The following DLG2 variants were observed in gnomAD, a reference collection of about 807,000 sequenced individuals.
DLG2 encodes the protein discs large MAGUK scaffold protein 2.
A neutral mutation model predicts 132.5 loss-of-function variants in DLG2; 45 were observed. That is an observed-to-expected ratio of 0.34 (90% confidence interval 0.27 to 0.44). The LOEUF (loss-of-function observed/expected upper bound fraction) is 0.44, where lower values mean the gene tolerates loss of function less well. Ranked by LOEUF, DLG2 falls within the 20% of genes least tolerant of loss-of-function variation. The pLI is 1.00. For missense variants in DLG2, 1,045 were observed against 1,196.9 expected (o/e 0.87, Z 1.87); for synonymous variants, 424 against 419.6 (o/e 1.01, Z -0.13).
At chr11:84,860,205 A>G (rs1038688149) in intron 6 of DLG2, among the ~76,000 whole-genome samples, 4 of 152,306 alleles carry the variant, frequency 2.6e-5, no homozygotes, top group Middle Eastern at 3.4e-3. Flanking sequence ...GTGCTAAATG[A>G]TACGCCTCCT....
intron 8 of DLG2, among the ~76,000 whole-genome samples, chr11:84,168,972 C>G (rs1038448025): frequency 3.9e-5 from 6 of 152,068 alleles, no homozygotes; most frequent in African/African-American, 1.4e-4. Context: ...TTACACTTGA[C>G]CTTACATACA....
At chr11:84,991,199 A>T (rs951653747) in intron 6 of DLG2, among the ~76,000 whole-genome samples, 1 of 152,200 alleles carries the variant, frequency 6.6e-6, no homozygotes, top group East Asian at 1.9e-4. Context: ...GAGATTAAGT[A>T]TAAGATGAAG....
At chr11:84,977,621 C>T (rs775870171) in intron 6 of DLG2, among the ~76,000 whole-genome samples, 39 of 152,176 alleles carry the variant, frequency 2.6e-4, no homozygotes, top group Non-Finnish European at 5.1e-4. Context: ...AAACCAAACG[C>T]TACCCTTTTC....
Position 85,396,393 on chromosome 11 carries a change from A to C in DLG2, c.41-111028T>G, listed in dbSNP as rs187355660. On this transcript the variant is annotated intron_variant, in intron 3 of 27. Coordinates refer to ENST00000376104, the MANE Select transcript of DLG2 (RefSeq NM_001142699.3). ...TCCTCCAAAGGATCACAGCTTCTCA[A>C]CAGCAAGGGAACAAAACTGGACAGA... 1.5e-4 allele frequency among the ~76,000 whole-genome samples: 23 copies of C among 152,314 alleles called. 1 individual carries two copies. Among genetic ancestry groups the C allele is most frequent in the African/African-American group, 4.6e-4 (19 of 41,580 alleles).
chr11:85,487,034 G>A (rs1410005998), intron 3 of DLG2, among the ~76,000 whole-genome samples: 1 of 147,664 alleles, frequency 6.8e-6, no homozygotes, highest in Non-Finnish European at 1.5e-5. Context: ...CTGACCCTGT[G>A]TGCTGATTAA....
At chr11:85,382,996 C>G (rs570319635) in intron 3 of DLG2, among the ~76,000 whole-genome samples, 1 of 152,068 alleles carries the variant, frequency 6.6e-6, no homozygotes, top group Admixed American at 6.6e-5. Flanking sequence ...CCCAAGAGAA[C>G]TGAAAACACA....
rs142956302 is a variant in DLG2, at chr11:83,710,312, G to A, written c.1825+76378C>T. 3.6e-3 allele frequency among the ~76,000 whole-genome samples: 553 copies of A among 152,044 alleles called. 5 individuals are homozygous for A. The highest frequency in any genetic ancestry group is 0.012 in the African/African-American group (511 of 41,468). ...CAAGTAGCTTGGACTACAGGTACCC[G>A]CCACCATGCCTGATTAATTTTTTAT... On this transcript the variant is annotated intron_variant, in intron 18 of 27. Transcript: ENST00000376104.
chr11:85,613,069 G>A (rs2081110061), intron 2 of DLG2, among the ~76,000 whole-genome samples: 1 of 152,110 alleles, frequency 6.6e-6, no homozygotes, highest in Admixed American at 6.6e-5. Context: ...TATAGGAAAA[G>A]GCTTCTGAAA....
At chr11:83,899,674 T>C (rs1596142588) in intron 15 of DLG2, among the ~76,000 whole-genome samples, 2 of 123,472 alleles carry the variant, frequency 1.6e-5, no homozygotes, top group Admixed American at 1.5e-4. Context: ...TCTGCCATGA[T>C]TGTGAGGTCT....
At chr11:84,335,260 G>A (rs921671981) in intron 7 of DLG2, among the ~76,000 whole-genome samples, 1 of 151,250 alleles carries the variant, frequency 6.6e-6, no homozygotes, top group African/African-American at 2.4e-5. Flanking sequence ...AAGGAACAGA[G>A]GGAGGAAGGG....
intron 21 of DLG2, among the ~76,000 whole-genome samples, chr11:83,499,568 G>T (rs983552300): frequency 6.6e-6 from 1 of 151,362 alleles, no homozygotes; most frequent in African/African-American, 2.4e-5. Flanking sequence ...CTGGTCCCAA[G>T]AATGTATCAT....
intron 19 of DLG2, among the ~76,000 whole-genome samples, chr11:83,610,674 G>GTAATAA (rs141938871): frequency 6.6e-6 from 1 of 151,474 alleles, no homozygotes; most frequent in East Asian, 1.9e-4. Context: ...ATGCAATGAG[G>GTAATAA]TAATAATAAT....
chr11:84,646,385 G>C (rs2099675009), intron 6 of DLG2, among the ~76,000 whole-genome samples: 2 of 152,136 alleles, frequency 1.3e-5, no homozygotes, highest in South Asian at 4.1e-4. Flanking sequence ...GTTTATAGAA[G>C]CTGGCAATTA....
intron 6 of DLG2, among the ~76,000 whole-genome samples, chr11:84,718,132 A>T (rs570183727): frequency 6.6e-6 from 1 of 152,208 alleles, no homozygotes; most frequent in Non-Finnish European, 1.5e-5. Flanking sequence ...ATCTATAATT[A>T]ACCTTCTGTT....
At chr11:85,479,568 G>A (rs952257683) in intron 3 of DLG2, among the ~76,000 whole-genome samples, 6 of 151,962 alleles carry the variant, frequency 3.9e-5, no homozygotes, top group African/African-American at 7.3e-5. Context: ...AATAGAAAAC[G>A]GATTCATTAT....
chr11:85,330,744 A>T (rs375987790), intron 3 of DLG2, among the ~76,000 whole-genome samples: 1 of 125,760 alleles, frequency 8.0e-6, no homozygotes, highest in Admixed American at 7.9e-5. Context: ...AACCTGCACA[A>T]TGTGCACATG....
chr11:84,001,476 GA>G (rs2094342611), intron 11 of DLG2, among the ~76,000 whole-genome samples: 1 of 152,024 alleles, frequency 6.6e-6, no homozygotes, highest in Non-Finnish European at 1.5e-5. Context: ...GTTCTGAAGA[GA>G]AAGATAGATT....
At chr11:83,569,062 C>A (rs1365005742) in intron 19 of DLG2, among the ~76,000 whole-genome samples, 1 of 152,108 alleles carries the variant, frequency 6.6e-6, no homozygotes, top group East Asian at 1.9e-4. Context: ...TTCAGGTATA[C>A]CATCAGAGTC....
chr11:83,799,632 TG>T (rs2043808178), intron 17 of DLG2, among the ~76,000 whole-genome samples: 1 of 152,132 alleles, frequency 6.6e-6, no homozygotes, highest in African/African-American at 2.4e-5. Context: ...TTGAGCAGAT[TG>T]AAAATGGGAA....
Sources: gnomAD v4.1 joint callset for allele counts (sites outside exome capture counted in the v4.1 genomes callset) on GRCh38, gnomAD v4.1.1 for gene constraint, MANE v1.5 for transcripts, NCBI Gene and HGNC (gene_info 2026-07-23, HGNC 2026-07-21) for gene names.